SUFU: variants seen among roughly 807,000 people sequenced by gnomAD.
SUFU encodes the protein suppressor of fused homolog.
In SUFU, 7 loss-of-function variants were observed where a neutral mutation model predicts 58.9. The observed-to-expected ratio is 0.12, with a 90% CI of 0.07 to 0.22. SUFU has a LOEUF of 0.22. Among genes scored for constraint, SUFU ranks in the 10% least tolerant of loss-of-function variants. The pLI is 1.00. For missense variants in SUFU, 451 were observed against 641.3 expected (o/e 0.70, Z 3.20); for synonymous variants, 232 against 254.8 (o/e 0.91, Z 0.85).
At chr10:102,567,291 G>A (rs1163917407) in intron 3 of SUFU, among the ~76,000 whole-genome samples, 3 of 151,836 alleles carry the variant, frequency 2.0e-5, no homozygotes, top group Non-Finnish European at 4.4e-5. Flanking sequence ...GATTACAGGC[G>A]TGAGCCACTG....
intron 6 of SUFU, among the ~76,000 whole-genome samples, chr10:102,594,864 G>A (rs896590875): frequency 7.9e-5 from 12 of 151,966 alleles, no homozygotes; most frequent in Admixed American, 3.9e-4. Context: ...GATTACAGGC[G>A]CCCACCACCA....
chr10:102,599,347 A>C (rs2063493875), intron 7 of SUFU, 86 bp from the exon 8 acceptor site: 1 of 1,025,994 alleles, frequency 9.7e-7, no homozygotes, highest in Non-Finnish European at 1.5e-6. Flanking sequence ...TTTTCTTAGC[A>C]CCTCTGCTGA....
chr10:102,526,857 C>G (rs1013516550), intron 2 of SUFU, among the ~76,000 whole-genome samples: 1 of 151,800 alleles, frequency 6.6e-6, no homozygotes, highest in African/African-American at 2.4e-5. Context: ...GCACGGACCT[C>G]GAAGTGTTTA....
chr10:102,599,243 T>G (rs975527076), intron 7 of SUFU, among the ~76,000 whole-genome samples, 190 bp from the exon 8 acceptor site: 1 of 152,166 alleles, frequency 6.6e-6, no homozygotes. Context: ...ACCCAGAGCT[T>G]CTTAAGAGCG....
intron 2 of SUFU, among the ~76,000 whole-genome samples, chr10:102,513,790 C>T (rs1310621560): frequency 6.6e-6 from 1 of 152,250 alleles, no homozygotes; most frequent in Non-Finnish European, 1.5e-5. Flanking sequence ...ATTTCAAAAA[C>T]TTCTAGTGCC....
intron 2 of SUFU, among the ~76,000 whole-genome samples, chr10:102,547,792 G>A (rs2062868996): frequency 6.6e-6 from 1 of 151,970 alleles, no homozygotes; most frequent in East Asian, 1.9e-4. Flanking sequence ...ATTGTATAGA[G>A]CAAGATGCTG....
chr10:102,588,909 T>TTTTGTTTA (rs1334624106), intron 3 of SUFU, among the ~76,000 whole-genome samples: 2 of 152,192 alleles, frequency 1.3e-5, no homozygotes, highest in African/African-American at 4.8e-5. Flanking sequence ...TCATTTTTTA[T>TTTTGTTTA]TTTGTTTATT....
chr10:102,622,050 C>T (rs879651910), intron 10 of SUFU, among the ~76,000 whole-genome samples: 3 of 152,212 alleles, frequency 2.0e-5, no homozygotes, highest in African/African-American at 7.2e-5. Context: ...CACCACCCAG[C>T]CAAGCTGGTT....
chr10:102,553,185 C>CT (rs2062936120), intron 3 of SUFU, among the ~76,000 whole-genome samples: 1 of 152,086 alleles, frequency 6.6e-6, no homozygotes, highest in South Asian at 2.1e-4. Flanking sequence ...AACAAATCTA[C>CT]TTTAAATTTT....
intron 10 of SUFU, among the ~76,000 whole-genome samples, 168 bp from the exon 11 acceptor site, chr10:102,627,007 G>T (rs959090298): frequency 6.6e-6 from 1 of 152,062 alleles, no homozygotes; most frequent in Non-Finnish European, 1.5e-5. Context: ...AGGGTGTGGG[G>T]GGAATGACAG....
chr10:102,620,314 C>T (rs1020830869), intron 10 of SUFU, among the ~76,000 whole-genome samples: 4 of 152,110 alleles, frequency 2.6e-5, no homozygotes, highest in African/African-American at 7.2e-5. Context: ...AAGGAGAGGC[C>T]GAGAGGAAAA....
intron 3 of SUFU, among the ~76,000 whole-genome samples, chr10:102,582,211 G>C (rs1213993682): frequency 6.6e-6 from 1 of 152,176 alleles, no homozygotes; most frequent in Non-Finnish European, 1.5e-5. Flanking sequence ...CTGACCCTGG[G>C]TTGGGGTGTT....
At chr10:102,581,591 C>A (rs908738763) in intron 3 of SUFU, among the ~76,000 whole-genome samples, 1 of 152,212 alleles carries the variant, frequency 6.6e-6, no homozygotes, top group Non-Finnish European at 1.5e-5. Flanking sequence ...GCAGCAGTAG[C>A]AGCTTGAGCC....
chr10:102,575,066 A>AAAAATT (rs2063199902), intron 3 of SUFU, among the ~76,000 whole-genome samples: 1 of 151,650 alleles, frequency 6.6e-6, no homozygotes, highest in Non-Finnish European at 1.5e-5. Flanking sequence ...AAAAAAAAAA[A>AAAAATT]AAAATTAGGC....
chr10:102,541,527 T>C (rs1349374446), intron 2 of SUFU, among the ~76,000 whole-genome samples: 3 of 150,140 alleles, frequency 2.0e-5, no homozygotes, highest in Non-Finnish European at 4.4e-5. Flanking sequence ...GCCTCCCTAG[T>C]AGCTGGAACT....
intron 2 of SUFU, among the ~76,000 whole-genome samples, chr10:102,544,249 G>A (rs1195233666): frequency 6.6e-6 from 1 of 152,182 alleles, no homozygotes; most frequent in Non-Finnish European, 1.5e-5. Context: ...TAGAGTTATA[G>A]AGAGTTAAAC....
intron 3 of SUFU, among the ~76,000 whole-genome samples, chr10:102,566,233 C>T (rs1383898685): frequency 6.6e-6 from 1 of 152,190 alleles, no homozygotes; most frequent in East Asian, 1.9e-4. Context: ...ACATCTCTAA[C>T]AGTTGGTTAC....
intron 3 of SUFU, among the ~76,000 whole-genome samples, chr10:102,579,376 T>C (rs971099753): frequency 7.2e-5 from 11 of 152,234 alleles, no homozygotes; most frequent in African/African-American, 2.7e-4. Flanking sequence ...TACACTCGCT[T>C]TGGGGTGAGA....
intron 3 of SUFU, among the ~76,000 whole-genome samples, chr10:102,586,139 C>A (rs548385513): frequency 1.5e-4 from 23 of 152,052 alleles, no homozygotes; most frequent in Non-Finnish European, 3.1e-4. Context: ...CCCGCCTTGG[C>A]CTCCCAAAGT....
Sources: gnomAD v4.1 joint callset for allele counts (sites outside exome capture counted in the v4.1 genomes callset) on GRCh38, gnomAD v4.1.1 for gene constraint, MANE v1.5 for transcripts, NCBI Gene and HGNC (gene_info 2026-07-23, HGNC 2026-07-21) for gene names.